Variants in PLS1 observed in about 807,000 individuals in gnomAD.
The protein encoded by PLS1 is plastin-1.
A neutral mutation model predicts 73.7 loss-of-function variants in PLS1; 32 were observed. That is an observed-to-expected ratio of 0.43 (90% CI 0.33 to 0.58). PLS1 has a LOEUF of 0.58. Among genes scored for constraint, PLS1 ranks in the 20% least tolerant of loss-of-function variants. The pLI, the probability that PLS1 is intolerant of heterozygous loss-of-function variation, is 0.04. For missense variants in PLS1, 633 were observed against 740.5 expected, an observed-to-expected ratio of 0.85 and a Z score of 1.68; for synonymous variants, 217 against 261.3, an observed-to-expected ratio of 0.83 and a Z score of 1.63.
intron 1 of PLS1, among the ~76,000 whole-genome samples, chr3:142,641,296 A>G (rs1052178193): frequency 6.8e-6 from 1 of 146,370 alleles, no homozygotes; most frequent in African/African-American, 2.5e-5. Flanking sequence ...TATTATATAT[A>G]GATAAATAAT....
chr3:142,618,786 T>C (rs2036262090), intron 1 of PLS1, among the ~76,000 whole-genome samples: 2 of 152,322 alleles, frequency 1.3e-5, no homozygotes, highest in South Asian at 4.1e-4. Flanking sequence ...AAAGGTTCTC[T>C]GCTTTTAAAG....
intron 1 of PLS1, among the ~76,000 whole-genome samples, chr3:142,651,018 T>C (rs2037076321): frequency 6.6e-6 from 1 of 152,132 alleles, no homozygotes; most frequent in Non-Finnish European, 1.5e-5. Context: ...ATGCCCCTTA[T>C]TGGGTTCAGG....
intron 2 of PLS1, among the ~76,000 whole-genome samples, chr3:142,668,488 C>T (rs144978379): frequency 6.6e-6 from 1 of 152,222 alleles, no homozygotes; most frequent in East Asian, 1.9e-4. Context: ...TTTTACACAG[C>T]GCATGTATTT....
At chr3:142,612,627 C>T (rs1339794269) in intron 1 of PLS1, among the ~76,000 whole-genome samples, 1 of 151,946 alleles carries the variant, frequency 6.6e-6, no homozygotes, top group Non-Finnish European at 1.5e-5. Context: ...TGTTGTGCAC[C>T]TATACTCCTA....
At chr3:142,609,140 TG>T (rs1271946394) in intron 1 of PLS1, among the ~76,000 whole-genome samples, 4 of 152,246 alleles carry the variant, frequency 2.6e-5, no homozygotes, top group African/African-American at 9.6e-5. Context: ...TTTTGTAAAC[TG>T]CCCAAGATGA....
chr3:142,626,917 A>ATCTTTT (rs2036442333), intron 1 of PLS1, among the ~76,000 whole-genome samples: 1 of 152,218 alleles, frequency 6.6e-6, no homozygotes, highest in Non-Finnish European at 1.5e-5. Flanking sequence ...GAAAAAAGGA[A>ATCTTTT]TGACAGTCAC....
At chr3:142,618,801 A>G (rs1181687325) in intron 1 of PLS1, among the ~76,000 whole-genome samples, 2 of 152,142 alleles carry the variant, frequency 1.3e-5, no homozygotes, top group Non-Finnish European at 1.5e-5. Flanking sequence ...TTAAAGACTC[A>G]TGTGATTAGA....
chr3:142,652,398 ACT>A (rs1187040322), intron 1 of PLS1, among the ~76,000 whole-genome samples: 1 of 152,096 alleles, frequency 6.6e-6, no homozygotes, highest in Non-Finnish European at 1.5e-5. Flanking sequence ...TTTTATATAT[ACT>A]TTTAATCTAG....
rs370333722 is a variant in PLS1 at position 142,665,775 on chromosome 3, T to C, written c.70+1468T>C. Among the ~76,000 whole-genome samples, 40 of 151,624 alleles carry C rather than the reference T, an allele frequency of 2.6e-4. No individual in the cohort carries two copies. In the South Asian group the frequency reaches 8.1e-3, roughly 31 times the overall value. On this transcript the variant is annotated intron_variant, in intron 2 of 15. Coordinates refer to ENST00000457734, the MANE Select transcript of PLS1 (RefSeq NM_001145319.2). Reference sequence around the variant, plus strand: ...CTTGCAATATTTATTTAATGATATATTGAATAAACAATTCACTGATGGAAC... The same window carrying C: ...CTTGCAATATTTATTTAATGATATACTGAATAAACAATTCACTGATGGAAC...
intron 2 of PLS1, 38 bp downstream of exon 2, chr3:142,664,345 T>C: frequency 9.4e-7 from 1 of 1,064,376 alleles, no homozygotes; most frequent in Non-Finnish European, 1.4e-6. Flanking sequence ...ATTACTGGTC[T>C]GCTTGATGTC....
At chr3:142,672,169 C>T (rs191149881) in intron 4 of PLS1, among the ~76,000 whole-genome samples, 152 of 152,106 alleles carry the variant, frequency 1.0e-3, no homozygotes, top group Middle Eastern at 3.4e-3. Flanking sequence ...CATGTAGCTG[C>T]CAACCAGAAC....
intron 1 of PLS1, among the ~76,000 whole-genome samples, chr3:142,606,863 G>C (rs1019300139): frequency 1.3e-5 from 2 of 152,110 alleles, no homozygotes; most frequent in African/African-American, 4.8e-5. Context: ...CATTGGGGTT[G>C]TTTCTTCTTT....
At position 142,666,464 on chromosome 3, in the gene PLS1, G is replaced by A. The variant is rs548219692; in HGVS notation, c.70+2157G>A. On this transcript the variant is annotated intron_variant, in intron 2 of 15. Coordinates refer to ENST00000457734, the MANE Select transcript of PLS1 (RefSeq NM_001145319.2). ...CATCAACAGCTTCATCCATGTTGTA[G>A]CCTGTGTCAGAATTTCCTCCCTTTT... is the stretch of plus-strand genomic sequence containing the variant. Among the ~76,000 whole-genome samples the A allele has an allele frequency of 4.6e-5, 7 of 152,276 alleles. No individual in the cohort carries two copies. In the South Asian group the frequency reaches 1.2e-3, roughly 27 times the overall value.
At chr3:142,657,252 C>T (rs571279162) in intron 1 of PLS1, 2 of 152,392 alleles carry the variant, frequency 1.3e-5, no homozygotes, top group Admixed American at 1.3e-4. Context: ...CTAGAGATTT[C>T]CCTTCCTCCC....
chr3:142,679,441 A>G (rs1466812433), intron 6 of PLS1, among the ~76,000 whole-genome samples: 3 of 150,658 alleles, frequency 2.0e-5, no homozygotes, highest in African/African-American at 7.3e-5. Context: ...ATCTTGAATT[A>G]ATTTTTGTAT....
intron 1 of PLS1, among the ~76,000 whole-genome samples, chr3:142,648,828 C>T (rs747422677): frequency 6.6e-6 from 1 of 152,186 alleles, no homozygotes; most frequent in Non-Finnish European, 1.5e-5. Flanking sequence ...AGCACATTAT[C>T]ATGCCACACA....
At chr3:142,621,652 A>T (rs1227571496) in intron 1 of PLS1, among the ~76,000 whole-genome samples, 1 of 152,192 alleles carries the variant, frequency 6.6e-6, no homozygotes, top group Admixed American at 6.5e-5. Flanking sequence ...GGCCTTGGTT[A>T]TTTCTGAATG....
chr3:142,703,563 TA>T (rs1402487139), intron 12 of PLS1, among the ~76,000 whole-genome samples: 4 of 152,180 alleles, frequency 2.6e-5, no homozygotes, highest in African/African-American at 9.7e-5. Flanking sequence ...CCCAAAGTGC[TA>T]GGATTACAGG....
intron 1 of PLS1, among the ~76,000 whole-genome samples, chr3:142,633,402 G>A (rs2036608795): frequency 6.6e-6 from 1 of 152,164 alleles, no homozygotes; most frequent in Admixed American, 6.6e-5. Context: ...TTTCACAACT[G>A]TAAAGCACTT....
Sources: gnomAD v4.1 joint callset for allele counts (sites outside exome capture counted in the v4.1 genomes callset) on GRCh38, gnomAD v4.1.1 for gene constraint, MANE v1.5 for transcripts, NCBI Gene and HGNC (gene_info 2026-07-23, HGNC 2026-07-21) for gene names.